Variants in AFAP1L1 observed in about 807,000 individuals in gnomAD.
The protein encoded by AFAP1L1 is actin filament-associated protein 1-like 1.
Under a neutral mutation model 99.8 loss-of-function variants are expected in AFAP1L1, and 77 were observed. The ratio of observed to expected loss-of-function variants is 0.77; its 90% CI spans 0.64 to 0.93. The LOEUF (loss-of-function observed/expected upper bound fraction) is 0.93, where lower values mean the gene tolerates loss of function less well. Among genes scored for constraint, AFAP1L1 ranks in the 40% least tolerant of loss-of-function variants. The pLI, the probability that AFAP1L1 is intolerant of heterozygous loss-of-function variation, is 0.00. For synonymous variants in AFAP1L1, 373 were observed against 395.3 expected, an observed-to-expected ratio of 0.94 and a Z score of 0.67; for missense variants, 893 against 996.8, an observed-to-expected ratio of 0.90 and a Z score of 1.40.
At chr5:149,307,818 T>TTCTCTCTCGCTCTCTCTC (rs1756474272) in intron 7 of AFAP1L1, among the ~76,000 whole-genome samples, 1 of 100,504 alleles carries the variant, frequency 9.9e-6, no homozygotes, top group East Asian at 3.3e-4. Flanking sequence ...GTGCCTCTCT[T>TTCTCTCTCGCTCTCTCTC]TCTCTCTCTC....
chr5:149,335,929 A>T (rs142157002), intron 18 of AFAP1L1, among the ~76,000 whole-genome samples: 1 of 152,328 alleles, frequency 6.6e-6, no homozygotes, highest in East Asian at 1.9e-4. Flanking sequence ...CATATTTCTA[A>T]CAAGCTTAAT....
rs541532466 is a variant in AFAP1L1 at position 149,331,502 on chromosome 5, C to A, written c.1976-1193C>A. ...GGGTGTGGCGGCGGGTGCCTGTAGT[C>A]CCAGCTACTCAGGAGGCTGAGGCAG... is the stretch of plus-strand genomic sequence containing the variant. On this transcript the variant is annotated intron_variant, in intron 16 of 18. Coordinates refer to ENST00000296721, the MANE Select transcript of AFAP1L1 (RefSeq NM_152406.4). Among the ~76,000 whole-genome samples, 3 of 152,006 alleles carry A rather than the reference C, an allele frequency of 2.0e-5. No individual in the cohort carries two copies. The East Asian group carries it at 5.8e-4, about 30-fold the overall frequency.
chr5:149,283,318 G>A (rs1212645301), intron 1 of AFAP1L1, among the ~76,000 whole-genome samples: 1 of 152,210 alleles, frequency 6.6e-6, no homozygotes, highest in African/African-American at 2.4e-5. Context: ...TGTCCTTGCT[G>A]ACCTGGAGCC....
chr5:149,330,547 C>A (rs1161596074), intron 16 of AFAP1L1, among the ~76,000 whole-genome samples: 1 of 152,194 alleles, frequency 6.6e-6, no homozygotes, highest in Non-Finnish European at 1.5e-5. Flanking sequence ...GCCTGTGGAG[C>A]CTATCCATAG....
Position 149,307,857 on chromosome 5 carries a change from T to TC in AFAP1L1, c.747+244_747+245insC, listed in dbSNP as rs57582125. Among the ~76,000 whole-genome samples, 48 of 147,636 alleles carry TC rather than the reference T, an allele frequency of 3.3e-4. No individual in the cohort carries two copies. In the East Asian group the frequency reaches 6.3e-3, roughly 19 times the overall value. Reference sequence around the variant, plus strand: ...CTCTCTCTCTCTCTCTCTCTCTCTCTTAAATTTAAAGACCTGGGCTAGGCA... The same window carrying TC: ...CTCTCTCTCTCTCTCTCTCTCTCTCTCTAAATTTAAAGACCTGGGCTAGGCA... On this transcript the variant is annotated intron_variant, in intron 7 of 18. Transcript: ENST00000296721.
intron 1 of AFAP1L1, among the ~76,000 whole-genome samples, chr5:149,275,096 A>G (rs1466890928): frequency 6.6e-6 from 1 of 152,118 alleles, no homozygotes; most frequent in Non-Finnish European, 1.5e-5. Context: ...GAAATCATCA[A>G]ACTGTTGCCA....
intron 11 of AFAP1L1, 102 bp downstream of exon 11, chr5:149,316,405 G>T (rs553684604): frequency 1.5e-4 from 207 of 1,409,970 alleles, no homozygotes; most frequent in Non-Finnish European, 1.8e-4. Context: ...TCACCCCCAG[G>T]GCAGGGGAGG....
intron 1 of AFAP1L1, 42 bp downstream of exon 1, chr5:149,272,026 C>T: frequency 8.2e-7 from 1 of 1,216,244 alleles, no homozygotes; most frequent in Non-Finnish European, 1.0e-6. Flanking sequence ...CGGCGCCGGG[C>T]GGGAAAGGGA....
chr5:149,297,601 T>C (rs1054774394), intron 1 of AFAP1L1, among the ~76,000 whole-genome samples: 31 of 151,956 alleles, frequency 2.0e-4, no homozygotes, highest in African/African-American at 5.6e-4. Flanking sequence ...GAGTTTGGGG[T>C]GATGATGGAT....
At chr5:149,279,984 C>T (rs6868001) in intron 1 of AFAP1L1, among the ~76,000 whole-genome samples, 7,906 of 152,232 alleles carry the variant, frequency 0.052, 639 homozygotes, top group African/African-American at 0.17. Flanking sequence ...GCAGGGCTCT[C>T]CTCTCCTTGG....
intron 5 of AFAP1L1, among the ~76,000 whole-genome samples, chr5:149,303,005 C>T (rs145556984): frequency 5.0e-4 from 76 of 152,284 alleles, no homozygotes; most frequent in African/African-American, 1.7e-3. Flanking sequence ...ATAAAAAGCA[C>T]GTGGTCTAAA....
chr5:149,314,843 G>A (rs535417099), intron 9 of AFAP1L1, among the ~76,000 whole-genome samples: 1 of 152,310 alleles, frequency 6.6e-6, no homozygotes, highest in East Asian at 1.9e-4. Flanking sequence ...TTCTTAAGTG[G>A]GTGGATGTCA....
At chr5:149,339,130 C>T (rs1442138279) in intron 18 of AFAP1L1, among the ~76,000 whole-genome samples, 2 of 151,418 alleles carry the variant, frequency 1.3e-5, no homozygotes, top group African/African-American at 2.4e-5. Flanking sequence ...TGAAAATAGC[C>T]ATGGACAATA....
At position 149,302,497 on chromosome 5, in the gene AFAP1L1, G is replaced by T. The variant is rs761608169; in HGVS notation, c.407G>T (p.Gly136Val). 2 of 1,589,390 alleles carry T rather than the reference G, an allele frequency of 1.3e-6. No individual in the cohort carries two copies. Among genetic ancestry groups the T allele is most frequent in the East Asian group, 4.5e-5 (2 of 44,010 alleles). Residue 136 changes from glycine to valine, a missense_variant, in exon 5 of 19, where the codon GGC becomes GTC. By Grantham distance (109) the Gly-to-Val change is moderately radical. Transcript: ENST00000296721. ...YYEEALPLGP[G>V]KSPEYISSHN... ...GAAGAGGCCCTTCCTCTGGGACCCGGCAAGTCGCCTGAGTACATCAGCTCC... is the reference window on the plus strand; with the variant it reads ...GAAGAGGCCCTTCCTCTGGGACCCGTCAAGTCGCCTGAGTACATCAGCTCC...
chr5:149,291,524 C>CAAAAAAAA (rs1229134807), intron 1 of AFAP1L1, among the ~76,000 whole-genome samples: 6 of 13,380 alleles, frequency 4.5e-4, no homozygotes, highest in Non-Finnish European at 7.9e-4. Flanking sequence ...GACTCCGTCT[C>CAAAAAAAA]AAAAAAAAAA....
intron 1 of AFAP1L1, among the ~76,000 whole-genome samples, chr5:149,291,325 G>A (rs1392755548): frequency 2.6e-5 from 4 of 151,058 alleles, no homozygotes; most frequent in African/African-American, 7.3e-5. Context: ...TCAACAGACC[G>A]ACACCATCCT....
intron 18 of AFAP1L1, 22 bp downstream of exon 18, chr5:149,335,744 TC>T: frequency 1.2e-6 from 2 of 1,603,618 alleles, no homozygotes; most frequent in South Asian, 2.3e-5. Context: ...GTTCTGCTCC[TC>T]AAAAATCAGA....
chr5:149,280,742 T>C (rs1488945472), intron 1 of AFAP1L1, among the ~76,000 whole-genome samples: 2 of 152,224 alleles, frequency 1.3e-5, no homozygotes. Context: ...TAACCCCTTC[T>C]ATCACCCTCT....
intron 18 of AFAP1L1, among the ~76,000 whole-genome samples, chr5:149,338,544 GAGTCTTTATTCTTTCCTACAGTT>G: frequency 6.6e-6 from 1 of 152,320 alleles, no homozygotes; most frequent in South Asian, 2.1e-4. Context: ...TAAGAGGGAA[GAGTCTTTATTCTTTCCTACAGTT>G]AGTCATTAAA....
Sources: allele counts gnomAD v4.1 joint callset (sites outside exome capture counted in the v4.1 genomes callset), GRCh38; gene constraint gnomAD v4.1.1; transcripts MANE v1.5; gene names NCBI Gene and HGNC (gene_info 2026-07-23, HGNC 2026-07-21).